Variants in NRP2 observed in about 807,000 individuals in gnomAD.
NRP2 encodes neuropilin 2.
A neutral mutation model predicts 110.4 loss-of-function variants in NRP2; 52 were observed. The observed-to-expected ratio is 0.47, with a 90% CI of 0.38 to 0.59. The LOEUF (loss-of-function observed/expected upper bound fraction) is 0.59, where lower values mean the gene tolerates loss of function less well. Among genes scored for constraint, NRP2 ranks in the 20% least tolerant of loss-of-function variants. The probability of loss-of-function intolerance (pLI) is 0.00; values close to 1 mark genes in which losing one functional copy is unlikely to be tolerated. For missense variants in NRP2, 1,049 were observed against 1,203.0 expected, an observed-to-expected ratio of 0.87 and a Z score of 1.89; for synonymous variants, 508 against 468.9, an observed-to-expected ratio of 1.08 and a Z score of -1.08.
At chr2:205,781,798 G>A (rs2058177285) in intron 15 of NRP2, among the ~76,000 whole-genome samples, 1 of 152,206 alleles carries the variant, frequency 6.6e-6, no homozygotes, top group Non-Finnish European at 1.5e-5. Flanking sequence ...AACACCAGCT[G>A]ATGATCTTAC....
intron 15 of NRP2, chr2:205,767,525 G>A: frequency 2.3e-6 from 1 of 442,404 alleles, no homozygotes; most frequent in Non-Finnish European, 4.5e-6. Flanking sequence ...CGAGAAAGCA[G>A]AGAGAGCAGA....
chr2:205,684,562 G>GC (rs1052088443), intron 1 of NRP2, among the ~76,000 whole-genome samples: 2 of 152,090 alleles, frequency 1.3e-5, no homozygotes, highest in African/African-American at 2.4e-5. Context: ...TTCTCCTCAC[G>GC]CCCCCCACCA....
intron 1 of NRP2, among the ~76,000 whole-genome samples, chr2:205,684,263 G>T (rs952236316): frequency 6.6e-6 from 1 of 152,144 alleles, no homozygotes; most frequent in Non-Finnish European, 1.5e-5. Context: ...TGGGGTTTGT[G>T]CTTCCTTCTC....
intron 8 of NRP2, among the ~76,000 whole-genome samples, chr2:205,742,282 C>T (rs988331237): frequency 1.2e-4 from 18 of 152,250 alleles, no homozygotes; most frequent in African/African-American, 4.3e-4. Context: ...TTGTTCCACA[C>T]ATCTGATGTG....
chr2:205,763,912 G>A lies in NRP2; in HGVS notation c.2283G>A (p.Leu761=), dbSNP rs1219077160. 6.2e-7 allele frequency: 1 copy of A among 1,614,080 alleles called. No individual in the cohort carries two copies. Among genetic ancestry groups the A allele is most frequent in the Non-Finnish European group, 8.5e-7 (1 of 1,179,976 alleles). Residue 761 remains leucine, a synonymous_variant, in exon 13 of 17, where the codon CTG becomes CTA. Coordinates refer to ENST00000357785, the MANE Select transcript of NRP2 (RefSeq NM_003872.3). The surrounding 1 kb of genome is among the most constrained non-coding windows in gnomAD (Gnocchi z 4.0). ...GGEWKHGRII[L]PSYDMEYQIV... ...AGTGGAAGCACGGGCGGATCATCCTGCCCAGCTACGACATGGAGTACCAGG... is the reference window on the plus strand; with the variant it reads ...AGTGGAAGCACGGGCGGATCATCCTACCCAGCTACGACATGGAGTACCAGG...
chr2:205,775,354 C>A (rs561225731), intron 15 of NRP2, among the ~76,000 whole-genome samples: 2 of 152,150 alleles, frequency 1.3e-5, no homozygotes, highest in African/African-American at 4.8e-5. Flanking sequence ...CCATAGCAAC[C>A]GGCAGCGGCC....
rs1168300800 is a variant in NRP2, at chr2:205,683,154, G to A, written c.-137G>A. On this transcript the variant is annotated 5_prime_UTR_variant, in exon 1 of 17. Transcript: ENST00000357785. ...GAATAGAGGTGAAGACAAGCCACCA[G>A]GACTCAGGAGGGAAACGCTGACCAT... is the stretch of plus-strand genomic sequence containing the variant. 1 of 681,074 alleles carries A rather than the reference G, an allele frequency of 1.5e-6. No homozygotes were observed. The allele number at this position is 681,074 out of a possible 1,614,324, so 42.2% of individuals were successfully genotyped here. A position where few individuals can be genotyped will look rare whatever the true frequency, so the allele number is the denominator to read the frequency against.
At chr2:205,779,421 A>T (rs1225454570) in intron 15 of NRP2, 2 of 152,260 alleles carry the variant, frequency 1.3e-5, no homozygotes, top group Non-Finnish European at 2.9e-5. Context: ...TTAAAGCCAG[A>T]ATTGAATAGG....
At chr2:205,746,027 C>G in intron 10 of NRP2, 137 bp downstream of exon 10, 4 of 963,362 alleles carry the variant, frequency 4.2e-6, no homozygotes, top group Non-Finnish European at 4.9e-6. Context: ...GCCATGTTCT[C>G]CTGCCTCAGA....
chr2:205,754,726 G>T (rs1459122819), intron 12 of NRP2, among the ~76,000 whole-genome samples: 4 of 152,160 alleles, frequency 2.6e-5, no homozygotes, highest in Admixed American at 2.6e-4. Context: ...TGTAAAGAAG[G>T]TTTGTGGGGT....
chr2:205,739,682 C>CTTTT (rs3047659), intron 7 of NRP2, among the ~76,000 whole-genome samples: 21 of 124,926 alleles, frequency 1.7e-4, no homozygotes, highest in African/African-American at 5.6e-4. Flanking sequence ...GCTCTAGTTA[C>CTTTT]TTTTTTTTTT....
At position 205,722,702 on chromosome 2, in the gene NRP2, C is replaced by A; in HGVS notation, c.658C>A (p.Pro220Thr). Reference sequence around the variant, plus strand: ...TTGGCTGGACATCTGGGATGGCATTCCACATGGTGAGTGATGTCATGAGGC... The same window carrying A: ...TTGGCTGGACATCTGGGATGGCATTACACATGGTGAGTGATGTCATGAGGC... ...YDWLDIWDGI[P>T]HVGPLIGKYC... Residue 220 changes from proline (P) to threonine (T), a missense_variant, in exon 4 of 17, where the codon CCA becomes ACA. By Grantham distance (38) the Pro-to-Thr change is conservative (BLOSUM62 -1). Transcript: ENST00000357785. The A allele has an allele frequency of 6.2e-7, 1 of 1,613,206 alleles. No homozygotes were observed. Among genetic ancestry groups the A allele is most frequent in the Non-Finnish European group, 8.5e-7 (1 of 1,179,174 alleles).
At chr2:205,699,014 A>T (rs2056497061) in intron 2 of NRP2, among the ~76,000 whole-genome samples, 1 of 152,190 alleles carries the variant, frequency 6.6e-6, no homozygotes, top group African/African-American at 2.4e-5. Context: ...CCTAGGGCTA[A>T]TTTGCACCTA....
chr2:205,743,823 A>T, intron 9 of NRP2: 1 of 501,710 alleles, frequency 2.0e-6, no homozygotes. Context: ...GGCTCACTGC[A>T]ACCTCCGCCT....
chr2:205,737,700 G>A (rs554056900), intron 7 of NRP2, among the ~76,000 whole-genome samples: 9 of 152,350 alleles, frequency 5.9e-5, no homozygotes, highest in South Asian at 4.1e-4. Flanking sequence ...TTGAAGCTAA[G>A]TTGAAAAGAT....
intron 10 of NRP2, among the ~76,000 whole-genome samples, chr2:205,748,689 G>C (rs894762011): frequency 4.6e-5 from 7 of 152,212 alleles, no homozygotes; most frequent in African/African-American, 1.4e-4. Flanking sequence ...GTGCAAAGGA[G>C]CATGTATAGA....
chr2:205,777,540 T>C (rs891924666), intron 15 of NRP2: 4 of 151,736 alleles, frequency 2.6e-5, no homozygotes, highest in Non-Finnish European at 4.4e-5. Context: ...GAGGAGGAGG[T>C]GGACGAGAGA....
chr2:205,716,362 A>G lies in NRP2; in HGVS notation c.421A>G (p.Ile141Val), dbSNP rs1384827784. Residue 141 changes from isoleucine (I) to valine (V), a missense_variant, in exon 3 of 17, where the codon ATC (isoleucine) becomes GTC (valine). By Grantham distance (29) the Ile-to-Val change is conservative. Coordinates refer to ENST00000357785, the MANE Select transcript of NRP2 (RefSeq NM_003872.3). ...GGCAGGCTTCTCTCTGCGCTACGAG[A>G]TCTTCAAGACAGGTCAGTGTGGTCA... ...QGAGFSLRYE[I>V]FKTGSEDCSK... The G allele has an allele frequency of 7.4e-6, 12 of 1,613,912 alleles. No homozygotes were observed. Among genetic ancestry groups the G allele is most frequent in the Non-Finnish European group, 1.0e-5 (12 of 1,180,006 alleles).
rs112132120 is a variant in NRP2, at chr2:205,718,199, G to A, written c.433+1825G>A. Among the ~76,000 whole-genome samples, 16 of 152,220 alleles carry A rather than the reference G, an allele frequency of 1.1e-4. No homozygotes were observed. In the South Asian group the frequency reaches 3.3e-3, roughly 32 times the overall value. ...GCAGGGCCATGAAAACTCAGCCTTG[G>A]TCTCACACCACCCAACTTAGTATTT... is the stretch of plus-strand genomic sequence containing the variant. On this transcript the variant is annotated intron_variant, in intron 3 of 16. Transcript: ENST00000357785.
Sources: gnomAD v4.1 joint callset for allele counts (sites outside exome capture counted in the v4.1 genomes callset) on GRCh38, gnomAD v4.1.1 for gene constraint, Gnocchi (gnomAD v3.1) non-coding constraint, MANE v1.5 for transcripts, NCBI Gene and HGNC (gene_info 2026-07-23, HGNC 2026-07-21) for gene names.